Variants in CALN1 observed in about 807,000 individuals in gnomAD.
CALN1 encodes the protein calneuron 1.
Under a neutral mutation model 30.6 loss-of-function variants are expected in CALN1, and 17 were observed. The observed-to-expected ratio is 0.56, with a 90% CI of 0.38 to 0.83. The LOEUF is 0.83. CALN1 is among the 40% of genes least tolerant of loss of function. CALN1 has a pLI of 0.00. For missense variants in CALN1, 291 were observed against 354.9 expected (o/e 0.82, Z 1.45); for synonymous variants, 156 against 131.4 (o/e 1.19, Z -1.28).
intron 2 of CALN1, among the ~76,000 whole-genome samples, chr7:72,328,401 T>C (rs2944825): frequency 0.36 from 54,293 of 152,128 alleles, 10,571 homozygotes; most frequent in Middle Eastern, 0.52. Flanking sequence ...CCTGCCATCA[T>C]GGAAGACATC....
chr7:71,848,371 T>C (rs957864746), intron 5 of CALN1, among the ~76,000 whole-genome samples: 1 of 152,162 alleles, frequency 6.6e-6, no homozygotes, highest in Admixed American at 6.6e-5. Context: ...TGGAATTCTA[T>C]TGATATCCAG....
rs543127950 is a variant in CALN1 at position 72,123,032 on chromosome 7, C to T, written c.245-16738G>A. 4.6e-5 allele frequency among the ~76,000 whole-genome samples: 7 copies of T among 152,278 alleles called. No homozygotes were observed. In the East Asian group the frequency reaches 5.8e-4, roughly 13 times the overall value. ...GAGAGACTGGGCTCAACTCTGAATA[C>T]TGCATAGCCAAGAGAGAATTCAGAG... On this transcript the variant is annotated intron_variant, in intron 3 of 6. Transcript: ENST00000395275.
intron 3 of CALN1, among the ~76,000 whole-genome samples, chr7:72,154,256 G>A (rs373057020): frequency 7.4e-4 from 113 of 152,016 alleles, no homozygotes; most frequent in Middle Eastern, 3.4e-3. Context: ...GGCATACTAC[G>A]GGATTATGGA....
the CALN1 span, among the ~76,000 whole-genome samples, chr7:72,496,616 T>G: frequency 6.6e-6 from 1 of 152,178 alleles, no homozygotes. Context: ...GGGTTGGGTG[T>G]GGTGGCTCAC....
rs375463063 is a variant in CALN1 at position 72,312,479 on chromosome 7, T to C, written c.120-33669A>G. Among the ~76,000 whole-genome samples, 21 of 151,826 alleles carry C rather than the reference T, an allele frequency of 1.4e-4. No homozygotes were observed. The East Asian group carries it at 2.1e-3, about 15-fold the overall frequency. ...CACCCCATGTTATACCTATAAGCCATGTGCCCCAGGACAGACAGCGCTGGG... is the reference window on the plus strand; with the variant it reads ...CACCCCATGTTATACCTATAAGCCACGTGCCCCAGGACAGACAGCGCTGGG... On this transcript the variant is annotated intron_variant, in intron 2 of 6. Coordinates refer to ENST00000395275, the MANE Select transcript of CALN1 (RefSeq NM_031468.4).
chr7:72,279,316 T>C (rs1797576046), intron 2 of CALN1, among the ~76,000 whole-genome samples: 1 of 152,154 alleles, frequency 6.6e-6, no homozygotes, highest in African/African-American at 2.4e-5. Context: ...AGGTAGGAAA[T>C]GCCCAAGCTC....
At chr7:71,829,055 A>C (rs1036974649) in intron 5 of CALN1, among the ~76,000 whole-genome samples, 2 of 151,954 alleles carry the variant, frequency 1.3e-5, no homozygotes, top group Non-Finnish European at 2.9e-5. Context: ...ACATATATTG[A>C]TTGATATCTC....
chr7:72,045,047 A>G (rs1416373277), intron 4 of CALN1, among the ~76,000 whole-genome samples: 3 of 152,188 alleles, frequency 2.0e-5, no homozygotes, highest in Non-Finnish European at 4.4e-5. Context: ...TTTTTGCTCA[A>G]CTTCTCACGG....
At position 72,240,436 on chromosome 7, in the gene CALN1, T is replaced by G. The variant is rs144835976; in HGVS notation, c.244+38250A>C. On this transcript the variant is annotated intron_variant, in intron 3 of 6. Coordinates refer to ENST00000395275, the MANE Select transcript of CALN1 (RefSeq NM_031468.4). ...TCTTGAACTCCTGACCTCAAGCAAT[T>G]CTCCAGCCTTGGCCTCCCAAAGCGC... Among the ~76,000 whole-genome samples the G allele has an allele frequency of 9.6e-3, 1,454 of 152,168 alleles. 12 individuals carry two copies. Among genetic ancestry groups the G allele is most frequent in the Non-Finnish European group, 0.014 (943 of 68,008 alleles).
At chr7:71,875,288 T>G (rs1792180876) in intron 5 of CALN1, among the ~76,000 whole-genome samples, 1 of 151,310 alleles carries the variant, frequency 6.6e-6, no homozygotes, top group Non-Finnish European at 1.5e-5. Context: ...CTGACAGAAC[T>G]GGGACAAACC....
chr7:71,854,980 C>T (rs1350859577), intron 5 of CALN1, among the ~76,000 whole-genome samples: 1 of 152,306 alleles, frequency 6.6e-6, no homozygotes, highest in South Asian at 2.1e-4. Context: ...TGGACAAGGG[C>T]TATGAACTGT....
chr7:72,248,472 A>G (rs1795334931), intron 3 of CALN1, among the ~76,000 whole-genome samples: 1 of 152,142 alleles, frequency 6.6e-6, no homozygotes, highest in South Asian at 2.1e-4. Context: ...CTTCAAAGTC[A>G]GCAATGCAGC....
chr7:72,226,458 G>A (rs531346107), intron 3 of CALN1, among the ~76,000 whole-genome samples: 70 of 152,064 alleles, frequency 4.6e-4, no homozygotes, highest in Non-Finnish European at 7.9e-4. Flanking sequence ...CTAGAAAGCA[G>A]CAGGGAAGGG....
the CALN1 span, among the ~76,000 whole-genome samples, chr7:72,461,832 A>C: frequency 6.6e-6 from 1 of 151,918 alleles, no homozygotes; most frequent in Non-Finnish European, 1.5e-5. Context: ...ACATGGCAAA[A>C]CCCCGTTTCT....
chr7:71,973,211 T>C (rs1278932360), intron 5 of CALN1, among the ~76,000 whole-genome samples: 1 of 152,142 alleles, frequency 6.6e-6, no homozygotes, highest in East Asian at 1.9e-4. Flanking sequence ...GTTCTCACTC[T>C]GTTGCCCTGG....
At chr7:72,402,152 AAG>A (rs150471325) in intron 2 of CALN1, among the ~76,000 whole-genome samples, 3,210 of 152,282 alleles carry the variant, frequency 0.021, 115 homozygotes, top group African/African-American at 0.073. Flanking sequence ...CTCAGAGGCT[AAG>A]AGAGTGGCTT....
At chr7:72,474,406 C>G in the CALN1 span, among the ~76,000 whole-genome samples, 1 of 152,114 alleles carries the variant, frequency 6.6e-6, no homozygotes, top group Non-Finnish European at 1.5e-5. Flanking sequence ...CCTGCAGGGA[C>G]CAGGTGCAGA....
At chr7:72,362,092 G>A (rs1019172533) in intron 2 of CALN1, among the ~76,000 whole-genome samples, 10 of 152,074 alleles carry the variant, frequency 6.6e-5, no homozygotes, top group African/African-American at 2.2e-4. Context: ...TCCTTGGACA[G>A]GTTTCTGTCA....
At chr7:71,955,896 C>G (rs1796934829) in intron 5 of CALN1, among the ~76,000 whole-genome samples, 1 of 152,022 alleles carries the variant, frequency 6.6e-6, no homozygotes, top group Non-Finnish European at 1.5e-5. Flanking sequence ...GCTATTTAGT[C>G]TGGCACCTGG....
Sources: gnomAD v4.1 joint callset for allele counts (sites outside exome capture counted in the v4.1 genomes callset) on GRCh38, gnomAD v4.1.1 for gene constraint, MANE v1.5 for transcripts, NCBI Gene and HGNC (gene_info 2026-07-23, HGNC 2026-07-21) for gene names.